DPP6: variants seen among roughly 807,000 people sequenced by gnomAD.
DPP6 encodes dipeptidyl peptidase like 6.
A neutral mutation model predicts 122.6 loss-of-function variants in DPP6; 69 were observed. That is an observed-to-expected ratio of 0.56 (90% CI 0.46 to 0.69). The LOEUF is 0.69. Ranked by LOEUF, DPP6 falls within the 30% of genes least tolerant of loss-of-function variation. The probability of loss-of-function intolerance (pLI) is 0.00; values close to 1 mark genes in which losing one functional copy is unlikely to be tolerated. For synonymous variants in DPP6, 418 were observed against 433.1 expected, an observed-to-expected ratio of 0.97 and a Z score of 0.43; for missense variants, 928 against 1,116.9, an observed-to-expected ratio of 0.83 and a Z score of 2.41.
intron 1 of DPP6, among the ~76,000 whole-genome samples, chr7:154,322,366 A>G (rs1808045393): frequency 6.6e-6 from 1 of 152,202 alleles, no homozygotes; most frequent in African/African-American, 2.4e-5. Context: ...TAACTCTGCC[A>G]TCTCTAACCC....
intron 7 of DPP6, among the ~76,000 whole-genome samples, chr7:154,692,799 T>C (rs1840006854): frequency 6.9e-6 from 1 of 145,852 alleles, no homozygotes; most frequent in East Asian, 2.0e-4. Flanking sequence ...TTTTTTTTTT[T>C]GAGACAGGGT....
At chr7:154,610,129 G>A (rs922144898) in intron 5 of DPP6, among the ~76,000 whole-genome samples, 1 of 152,140 alleles carries the variant, frequency 6.6e-6, no homozygotes, top group Non-Finnish European at 1.5e-5. Context: ...AAGAAAGAAA[G>A]AATATCCCTC....
At chr7:154,686,537 A>G (rs934871268) in intron 7 of DPP6, among the ~76,000 whole-genome samples, 2 of 152,106 alleles carry the variant, frequency 1.3e-5, no homozygotes, top group Non-Finnish European at 2.9e-5. Context: ...ACATTGACCT[A>G]ACTGATATTT....
chr7:154,544,640 A>C (rs933187700), intron 4 of DPP6, among the ~76,000 whole-genome samples: 1 of 152,228 alleles, frequency 6.6e-6, no homozygotes, highest in African/African-American at 2.4e-5. Flanking sequence ...TCTACCTTCC[A>C]GCCTTGGCAT....
At chr7:154,079,775 A>T (rs947136167) in intron 1 of DPP6, among the ~76,000 whole-genome samples, 2 of 151,776 alleles carry the variant, frequency 1.3e-5, no homozygotes, top group Non-Finnish European at 2.9e-5. Flanking sequence ...GCCCAGATGG[A>T]CCCTTCGATG....
chr7:153,895,727 TGCAC>T (rs751345076), intron 1 of DPP6, among the ~76,000 whole-genome samples: 1 of 78,184 alleles, frequency 1.3e-5, no homozygotes, highest in Non-Finnish European at 2.5e-5. Context: ...TGTGCATGCG[TGCAC>T]ACACACACAC....
chr7:154,304,041 G>A (rs960996547), intron 1 of DPP6, among the ~76,000 whole-genome samples: 1 of 152,232 alleles, frequency 6.6e-6, no homozygotes, highest in African/African-American at 2.4e-5. Context: ...GCATCACAGA[G>A]ATGCAAAGAC....
chr7:154,104,222 G>T (rs1327512892), intron 1 of DPP6, among the ~76,000 whole-genome samples: 1 of 152,224 alleles, frequency 6.6e-6, no homozygotes, highest in Admixed American at 6.5e-5. Flanking sequence ...ACCTGTAGCT[G>T]ATGGATAATC....
intron 1 of DPP6, among the ~76,000 whole-genome samples, chr7:153,964,911 TTC>T (rs1795586473): frequency 1.4e-5 from 1 of 73,702 alleles, no homozygotes; most frequent in Non-Finnish European, 2.2e-5. Context: ...TTCTTTTCTT[TTC>T]CTTTCTTTCT....
chr7:154,483,323 G>A lies in DPP6; in HGVS notation c.457+8286G>A, dbSNP rs548492060. ...ACGTGTTTGTGTAGACAATAGTGGT[G>A]ATCATTTGAGTCATATTTAAATTGT... On this transcript the variant is annotated intron_variant, in intron 3 of 25. Coordinates refer to ENST00000377770, the MANE Select transcript of DPP6 (RefSeq NM_130797.4). The surrounding 1 kb of genome is among the most constrained non-coding windows in gnomAD (Gnocchi z 8.1). 1.3e-5 allele frequency among the ~76,000 whole-genome samples: 2 copies of A among 152,038 alleles called. No individual in the cohort carries two copies. Among genetic ancestry groups the A allele is most frequent in the Non-Finnish European group, 2.9e-5 (2 of 67,998 alleles).
rs1436030881 is a variant in DPP6, at chr7:154,703,282, T to G, written c.763-24485T>G. Among the ~76,000 whole-genome samples the G allele has an allele frequency of 7.2e-5, 11 of 152,338 alleles. No homozygotes were observed. In the East Asian group the frequency reaches 2.1e-3, roughly 29 times the overall value. On this transcript the variant is annotated intron_variant, in intron 7 of 25. Coordinates refer to ENST00000377770, the MANE Select transcript of DPP6 (RefSeq NM_130797.4). ...CACATAACATCCATTTTGCAGCACA[T>G]GAATCATGGAGTCATTTAGACTTTC...
At chr7:154,063,021 G>A (rs1291367567) in intron 1 of DPP6, among the ~76,000 whole-genome samples, 6 of 133,242 alleles carry the variant, frequency 4.5e-5, no homozygotes, top group Middle Eastern at 4.2e-3. Flanking sequence ...CTGGCTCTGA[G>A]GAACCCCATC....
At chr7:154,575,165 T>C (rs1287771120) in intron 5 of DPP6, among the ~76,000 whole-genome samples, 9 of 100,932 alleles carry the variant, frequency 8.9e-5, no homozygotes, top group Non-Finnish European at 1.8e-4. Context: ...TCTGTGTGTA[T>C]GTGTGTGGGG....
At chr7:154,679,136 CG>C (rs1166357984) in intron 7 of DPP6, among the ~76,000 whole-genome samples, 1 of 152,122 alleles carries the variant, frequency 6.6e-6, no homozygotes, top group Non-Finnish European at 1.5e-5. Flanking sequence ...GGCTTCATGA[CG>C]GGCCAGCCCC....
intron 1 of DPP6, chr7:154,055,522 G>T (rs1463603778): frequency 1.5e-5 from 2 of 137,170 alleles, no homozygotes; most frequent in African/African-American, 5.4e-5. Context: ...CCAAGGCAAG[G>T]CTGAAGAATC....
chr7:154,879,270 ACC>A (rs67015135), intron 20 of DPP6, among the ~76,000 whole-genome samples: 57 of 91,204 alleles, frequency 6.2e-4, no homozygotes, highest in East Asian at 2.3e-3. Context: ...ACATGGTGAA[ACC>A]CCGTCTCTAT....
intron 16 of DPP6, among the ~76,000 whole-genome samples, chr7:154,843,841 G>A (rs902763400): frequency 3.9e-5 from 6 of 152,214 alleles, no homozygotes; most frequent in Non-Finnish European, 7.3e-5. Context: ...TCTGAACCAT[G>A]GACCGCGTCT....
At chr7:154,260,281 T>A (rs1357419805) in intron 1 of DPP6, among the ~76,000 whole-genome samples, 1 of 152,146 alleles carries the variant, frequency 6.6e-6, no homozygotes, top group Non-Finnish European at 1.5e-5. Flanking sequence ...TGTGATCGGA[T>A]TCACTTTTTA....
intron 1 of DPP6, among the ~76,000 whole-genome samples, chr7:153,974,470 TGCAG>T: frequency 6.6e-6 from 1 of 152,300 alleles, no homozygotes; most frequent in Non-Finnish European, 1.5e-5. Context: ...TTTCAGAGCC[TGCAG>T]TCCCTTTCCT....
Sources: gnomAD v4.1 joint callset for allele counts (sites outside exome capture counted in the v4.1 genomes callset) on GRCh38, gnomAD v4.1.1 for gene constraint, Gnocchi (gnomAD v3.1) non-coding constraint, MANE v1.5 for transcripts, NCBI Gene and HGNC (gene_info 2026-07-23, HGNC 2026-07-21) for gene names.